The following NUP214 variants were observed in gnomAD, a reference collection of about 807,000 sequenced individuals.
NUP214 encodes the protein nuclear pore complex protein Nup214.
Under a neutral mutation model 196.2 loss-of-function variants are expected in NUP214, and 79 were observed. The ratio of observed to expected loss-of-function variants is 0.40; its 90% CI spans 0.34 to 0.49. The LOEUF is 0.49. Ranked by LOEUF, NUP214 falls within the 20% of genes least tolerant of loss-of-function variation. The pLI is 0.58. For missense variants in NUP214, 2,468 were observed against 2,539.0 expected, an observed-to-expected ratio of 0.97 and a Z score of 0.60; for synonymous variants, 1,020 against 990.5, an observed-to-expected ratio of 1.03 and a Z score of -0.56.
Position 131,144,482 on chromosome 9 carries a change from C to A in NUP214, c.1497C>A (p.Pro499=). The A allele has an allele frequency of 6.2e-7, 1 of 1,614,124 alleles. No individual in the cohort carries two copies. Among genetic ancestry groups the A allele is most frequent in the Non-Finnish European group, 8.5e-7 (1 of 1,180,022 alleles). ...CATCTGCTACGGTCACTGGGGAGCC[C>A]CCTTCATATTCCAGTGGCTCCGACA... ...LKSSATVTGE[P]PSYSSGSDSS... The change falls in exon 12 of 36, where the codon CCC becomes CCA. Residue 499 remains proline (P), a synonymous_variant. Coordinates refer to ENST00000359428, the MANE Select transcript of NUP214 (RefSeq NM_005085.4).
intron 18 of NUP214, among the ~76,000 whole-genome samples, chr9:131,160,392 G>A (rs1241127186): frequency 6.6e-6 from 1 of 152,200 alleles, no homozygotes; most frequent in Non-Finnish European, 1.5e-5. Context: ...TGTAATTAGT[G>A]TGGATAATTA....
chr9:131,165,887 G>A (rs1402975205), intron 21 of NUP214, among the ~76,000 whole-genome samples: 1 of 152,174 alleles, frequency 6.6e-6, no homozygotes, highest in African/African-American at 2.4e-5. Context: ...CCACTTATAT[G>A]AAGTATCTAG....
chr9:131,147,391 G>A (rs772711139), intron 13 of NUP214, 99 bp from the exon 14 acceptor site: 1 of 883,630 alleles, frequency 1.1e-6, no homozygotes, highest in Admixed American at 2.2e-5. Flanking sequence ...CAGGGGCAAT[G>A]TGTAACTTAA....
intron 17 of NUP214, among the ~76,000 whole-genome samples, chr9:131,158,019 G>A (rs1318053979): frequency 6.6e-6 from 1 of 152,146 alleles, no homozygotes; most frequent in Non-Finnish European, 1.5e-5. Context: ...CTGACCTCGA[G>A]TAATACACCC....
At chr9:131,190,189 G>A (rs768826955) in intron 26 of NUP214, 3 of 379,264 alleles carry the variant, frequency 7.9e-6, no homozygotes, top group African/African-American at 6.3e-5. Context: ...AGCACTTCTC[G>A]ACCGGGGCCT....
intron 11 of NUP214, among the ~76,000 whole-genome samples, chr9:131,142,928 G>T (rs1831965272): frequency 6.6e-6 from 1 of 152,048 alleles, no homozygotes; most frequent in Non-Finnish European, 1.5e-5. Flanking sequence ...TTGACACAAA[G>T]AATTCTTTTC....
rs558968998 is a variant in NUP214 at position 131,139,978 on chromosome 9, C to A, written c.1132+571C>A. Among the ~76,000 whole-genome samples, 8 of 152,278 alleles carry A rather than the reference C, an allele frequency of 5.3e-5. No individual in the cohort carries two copies. In the East Asian group the frequency reaches 1.5e-3, roughly 29 times the overall value. ...GTACTTAAGTTTAGAGAGGTGTCCC[C>A]GTCAGGCACCATTAAGTTGCTTGCT... On this transcript the variant is annotated intron_variant, in intron 10 of 35. Transcript: ENST00000359428.
At chr9:131,186,790 T>C (rs1202949026) in intron 24 of NUP214, among the ~76,000 whole-genome samples, 1 of 152,238 alleles carries the variant, frequency 6.6e-6, no homozygotes, top group South Asian at 2.1e-4. Context: ...GTGGTACATT[T>C]GAATCCCTTG....
chr9:131,132,968 G>C, intron 6 of NUP214, 138 bp from the exon 7 acceptor site: 1 of 712,266 alleles, frequency 1.4e-6, no homozygotes, highest in Non-Finnish European at 2.4e-6. Context: ...CATTGTACCT[G>C]TGCATTATAT....
chr9:131,139,132 C>T (rs1319765077), intron 9 of NUP214, 149 bp from the exon 10 acceptor site: 2 of 869,076 alleles, frequency 2.3e-6, no homozygotes, highest in African/African-American at 1.8e-5. Flanking sequence ...ATTTCAGAGC[C>T]TCCTAGTCAA....
At position 131,155,318 on chromosome 9, in the gene NUP214, C is replaced by T. The variant is rs539101526; in HGVS notation, c.2436+3424C>T. On this transcript the variant is annotated intron_variant, in intron 17 of 35. Coordinates refer to ENST00000359428, the MANE Select transcript of NUP214 (RefSeq NM_005085.4). ...AAGAATTGTCTGTTCATGTCCTTAG[C>T]CCACTTTTTGATGGGATTGTTTGTT... Among the ~76,000 whole-genome samples the T allele has an allele frequency of 6.2e-4, 95 of 152,240 alleles. 1 individual carries two copies. The highest frequency in any genetic ancestry group is 5.2e-3 in the South Asian group (25 of 4,822).
intron 31 of NUP214, among the ~76,000 whole-genome samples, chr9:131,216,416 A>G (rs1017535034): frequency 6.9e-6 from 1 of 144,842 alleles, no homozygotes; most frequent in African/African-American, 2.6e-5. Flanking sequence ...TTTAGTAGAG[A>G]CGGGGTTTCA....
chr9:131,233,743 T>C lies in NUP214; in HGVS notation c.*256T>C, dbSNP rs1564226017. 4.0e-6 allele frequency: 2 copies of C among 506,064 alleles called. No homozygotes were observed. Among genetic ancestry groups the C allele is most frequent in the Non-Finnish European group, 7.4e-6 (2 of 270,168 alleles). The allele number at this position is 506,064 out of a possible 1,614,324, so 31.3% of individuals were successfully genotyped here. A position where few individuals can be genotyped will look rare whatever the true frequency, so the allele number is the denominator to read the frequency against. ...TTTTTTCAGATCACAGCCAAGAAGATTGCCCCGTTTCTGTGGCTCTGAGAA... is the reference window on the plus strand; with the variant it reads ...TTTTTTCAGATCACAGCCAAGAAGACTGCCCCGTTTCTGTGGCTCTGAGAA... On this transcript the variant is annotated 3_prime_UTR_variant, in exon 36 of 36. Coordinates refer to ENST00000359428, the MANE Select transcript of NUP214 (RefSeq NM_005085.4).
rs1198300899 is a variant in NUP214 at position 131,201,699 on chromosome 9, T to C, written c.5574T>C (p.Gly1858=). 1 of 1,614,020 alleles carries C rather than the reference T, an allele frequency of 6.2e-7. No homozygotes were observed. The highest frequency in any genetic ancestry group is 2.2e-5 in the East Asian group (1 of 44,886). The change falls in exon 30 of 36, where the codon GGT becomes GGC. Residue 1858 remains glycine, a synonymous_variant. Transcript: ENST00000359428. ...TGTTTGGTCAAGCAGCCAGTACTGG[T>C]GGAATAGTCTTTGGCCAGGTAAATA... The part of the protein sequence containing the change: ...GSVFGQAAST[G]GIVFGQQSSS...
Position 131,128,348 on chromosome 9 carries a change from C to T in NUP214, c.258C>T (p.Gly86=), listed in dbSNP as rs768763115. ...TTTTCATAGTTGATAAAGTCCAAGG[C>T]TTGCTAGTTCCTATGAAATTCCCAA... ...DPNKIVDKVQ[G]LLVPMKFPIH... is the part of the protein sequence containing the mutation. Residue 86 remains glycine (G), a synonymous_variant, in exon 3 of 36, where the codon GGC becomes GGT. Coordinates refer to ENST00000359428, the MANE Select transcript of NUP214 (RefSeq NM_005085.4). 1 of 1,612,248 alleles carries T rather than the reference C, an allele frequency of 6.2e-7. No homozygotes were observed. The highest frequency in any genetic ancestry group is 8.5e-7 in the Non-Finnish European group (1 of 1,178,954).
At chr9:131,147,606 A>G (rs1211380974) in intron 14 of NUP214, 22 bp downstream of exon 14, 5 of 1,543,540 alleles carry the variant, frequency 3.2e-6, no homozygotes, top group Non-Finnish European at 4.5e-6. Context: ...TTCAGCTTGC[A>G]ATGTTTGTGT....
rs373430722 is a variant in NUP214 at position 131,178,363 on chromosome 9, T to C, written c.3372T>C (p.Asn1124=). Residue 1124 remains asparagine, a synonymous_variant, in exon 24 of 36, where the codon AAT becomes AAC. Transcript: ENST00000359428. ...STLKNVPQVV[N]VQELKNNPAT... ...TGAAGAATGTCCCTCAAGTGGTAAA[T>C]GTGCAGGAATTGAAGAATAACCCTG... 1 of 1,614,118 alleles carries C rather than the reference T, an allele frequency of 6.2e-7. No homozygotes were observed. Among genetic ancestry groups the C allele is most frequent in the Non-Finnish European group, 8.5e-7 (1 of 1,179,966 alleles).
intron 21 of NUP214, among the ~76,000 whole-genome samples, chr9:131,171,720 C>G (rs1832964731): frequency 6.6e-6 from 1 of 152,060 alleles, no homozygotes; most frequent in South Asian, 2.1e-4. Context: ...CACCCCACAA[C>G]AGTCCCCAGA....
chr9:131,198,209 C>T lies in NUP214; in HGVS notation c.4715C>T (p.Thr1572Met), dbSNP rs149454107. Residue 1572 changes from threonine to methionine, a missense_variant, in exon 29 of 36, where the codon ACG becomes ATG. By Grantham distance (81) the Thr-to-Met change is moderately conservative. Around this residue, in one of 5 missense-constraint regions of NUP214, gnomAD observed 1,801 missense variants for 1,779.4 expected, o/e 1.01. Coordinates refer to ENST00000359428, the MANE Select transcript of NUP214 (RefSeq NM_005085.4). ...TCTGCAGAGGCTACCCCAGCCACCA[C>T]GGGGGTCCCTGATGCCAGGACGGAG... ...ALSAEATPAT[T>M]GVPDARTEAV... The T allele has an allele frequency of 7.4e-6, 12 of 1,614,234 alleles. No homozygotes were observed. The highest frequency in any genetic ancestry group is 1.3e-5 in the African/African-American group (1 of 75,072).
Sources: allele counts gnomAD v4.1 joint callset (sites outside exome capture counted in the v4.1 genomes callset), GRCh38; gene constraint gnomAD v4.1.1; regional missense constraint gnomAD v4.1.1; transcripts MANE v1.5; gene names NCBI Gene and HGNC (gene_info 2026-07-23, HGNC 2026-07-21).